KYNU: variants seen among roughly 807,000 people sequenced by gnomAD.
The protein encoded by KYNU is kynureninase.
KYNU carries 54 observed loss-of-function variants against 59.2 expected under a neutral mutation model. That is an observed-to-expected ratio of 0.91 (90% CI 0.73 to 1.14). The LOEUF (loss-of-function observed/expected upper bound fraction) is 1.14. Ranked by LOEUF, KYNU falls within the 50% of genes most tolerant of loss-of-function variation. The pLI, the probability that KYNU is intolerant of heterozygous loss-of-function variation, is 0.00. For synonymous variants in KYNU, 177 were observed against 192.0 expected (o/e 0.92, Z 0.65); for missense variants, 567 against 554.4 (o/e 1.02, Z -0.23).
chr2:142,912,876 A>AT (rs565444372), intron 2 of KYNU, among the ~76,000 whole-genome samples: 7,438 of 149,078 alleles, frequency 0.05, 313 homozygotes, highest in East Asian at 0.22. Context: ...CACCTGGCTA[A>AT]TTTTTTTTTG....
At chr2:142,898,143 G>T (rs976451677) in intron 2 of KYNU, among the ~76,000 whole-genome samples, 1 of 152,168 alleles carries the variant, frequency 6.6e-6, no homozygotes, top group Admixed American at 6.5e-5. Context: ...GCCTCCCAAG[G>T]GGCTGGAATT....
chr2:142,956,206 T>A lies in KYNU; in HGVS notation c.439T>A (p.Ser147Thr). The A allele has an allele frequency of 6.4e-7, 1 of 1,568,710 alleles. No homozygotes were observed. The highest frequency in any genetic ancestry group is 8.8e-7 in the Non-Finnish European group (1 of 1,139,774). ...CAATAAATCCATTTTATTGCAGTTA[T>A]CATTTTTTAAGCCTACGCCAAAACG... The part of the protein sequence containing the change: ...LTVNLHLLML[S>T]FFKPTPKRYK... Residue 147 changes from serine to threonine, a missense_variant, in exon 6 of 14, where the codon TCA becomes ACA. Coordinates refer to ENST00000264170, the MANE Select transcript of KYNU (RefSeq NM_003937.3).
intron 8 of KYNU, among the ~76,000 whole-genome samples, chr2:142,973,677 G>A (rs890733745): frequency 8.6e-5 from 13 of 151,986 alleles, no homozygotes; most frequent in Admixed American, 4.6e-4. Flanking sequence ...CTCATCCCTC[G>A]CTCCCATTGT....
intron 8 of KYNU, among the ~76,000 whole-genome samples, chr2:142,963,085 AGGTTCTG>A (rs1189210048): frequency 2.0e-5 from 3 of 152,196 alleles, no homozygotes; most frequent in African/African-American, 7.2e-5. Context: ...GTCAATCAGG[AGGTTCTG>A]AGGTAAAATC....
chr2:142,968,632 G>A (rs964205966), intron 8 of KYNU, among the ~76,000 whole-genome samples: 16 of 152,280 alleles, frequency 1.1e-4, no homozygotes, highest in African/African-American at 3.9e-4. Flanking sequence ...ACTCTCTGTT[G>A]CGTGGGCGCC....
chr2:142,950,801 C>T (rs1273543617), intron 4 of KYNU, among the ~76,000 whole-genome samples: 1 of 152,208 alleles, frequency 6.6e-6, no homozygotes, highest in East Asian at 1.9e-4. Context: ...TTTCAGCCTA[C>T]CTCAGCTTTT....
intron 10 of KYNU, among the ~76,000 whole-genome samples, chr2:143,005,045 G>T (rs1347624496): frequency 1.3e-5 from 2 of 152,182 alleles, no homozygotes; most frequent in African/African-American, 4.8e-5. Context: ...TAAGAGTGAG[G>T]CTTCCTGATA....
chr2:142,947,482 G>A (rs1000288541), intron 4 of KYNU: 2 of 320,718 alleles, frequency 6.2e-6, no homozygotes, highest in South Asian at 1.3e-4. Context: ...TTCTGAGATG[G>A]TCCATGACAT....
In KYNU at chr2:142,936,765, A is replaced by G. The variant is rs544474817; in HGVS notation, c.373+9024A>G. 1.6e-3 allele frequency among the ~76,000 whole-genome samples: 241 copies of G among 152,298 alleles called. 1 individual carries two copies. Among genetic ancestry groups the G allele is most frequent in the African/African-American group, 5.5e-3 (229 of 41,552 alleles). ...TAGGTGAGATCAGTGACTAATGTGC[A>G]TGCAGAGGGGTGACTGGAGGCTGAG... is the stretch of plus-strand genomic sequence containing the variant. On this transcript the variant is annotated intron_variant, in intron 4 of 13. Transcript: ENST00000264170.
At position 143,043,281 on chromosome 2, in the gene KYNU, CT is replaced by C. The variant is rs1401977420; in HGVS notation, c.*1111del. 6.6e-6 allele frequency: 1 copy of C among 151,966 alleles called. No homozygotes were observed. The highest frequency in any genetic ancestry group is 1.5e-5 in the Non-Finnish European group (1 of 67,944). 9.4% of individuals were successfully genotyped at this position (151,966 alleles called of 1,614,324 possible). On this transcript the variant is annotated 3_prime_UTR_variant, in exon 14 of 14. Transcript: ENST00000264170. The stretch of plus-strand genomic sequence containing the variant: ...CTTTATCTCAAATCTATGGACCTTT[CT>C]TACCCACTGTGAAAAACCTAAAGTT...
chr2:142,912,903 A>C (rs1405499076), intron 2 of KYNU, among the ~76,000 whole-genome samples: 1 of 150,392 alleles, frequency 6.6e-6, no homozygotes, highest in Non-Finnish European at 1.5e-5. Flanking sequence ...TAGTAGAGAC[A>C]GGGTTTCACC....
chr2:142,942,706 A>T (rs973445335), intron 4 of KYNU, among the ~76,000 whole-genome samples: 1 of 152,236 alleles, frequency 6.6e-6, no homozygotes, highest in South Asian at 2.1e-4. Flanking sequence ...GAAAAGAAGT[A>T]AAGTATACTT....
At chr2:143,030,562 T>TA (rs1686709269) in intron 11 of KYNU, among the ~76,000 whole-genome samples, 1 of 152,166 alleles carries the variant, frequency 6.6e-6, no homozygotes, top group Admixed American at 6.5e-5. Context: ...TCAGCCTTGA[T>TA]ATTCCTGGCT....
At position 143,018,298 on chromosome 2, in the gene KYNU, A is replaced by G. The variant is rs980073279; in HGVS notation, c.903-11329A>G. On this transcript the variant is annotated intron_variant, in intron 10 of 13. Coordinates refer to ENST00000264170, the MANE Select transcript of KYNU (RefSeq NM_003937.3). ...GGTATTATATTTAAGCTTTTAATCC[A>G]TCTCGAGTTAATTTTTCTATATGGT... Among the ~76,000 whole-genome samples, 5 of 152,144 alleles carry G rather than the reference A, an allele frequency of 3.3e-5. No homozygotes were observed. In the South Asian group the frequency reaches 1.0e-3, roughly 32 times the overall value.
At position 142,923,005 on chromosome 2, in the gene KYNU, G is replaced by A. The variant is rs377133537; in HGVS notation, c.290+4276G>A. On this transcript the variant is annotated intron_variant, in intron 3 of 13. Coordinates refer to ENST00000264170, the MANE Select transcript of KYNU (RefSeq NM_003937.3). Reference sequence around the variant, plus strand: ...GTGCTTCTTGCTGTAACCTCATGTGGCAGAAGAGGCAAACACCTGCCTCCC... The same window carrying A: ...GTGCTTCTTGCTGTAACCTCATGTGACAGAAGAGGCAAACACCTGCCTCCC... Among the ~76,000 whole-genome samples the A allele has an allele frequency of 4.2e-4, 64 of 152,240 alleles. No homozygotes were observed. In the South Asian group the frequency reaches 0.012, roughly 30 times the overall value.
chr2:142,976,892 A>AGG (rs1415354047), intron 8 of KYNU, among the ~76,000 whole-genome samples: 1 of 152,118 alleles, frequency 6.6e-6, no homozygotes, highest in Non-Finnish European at 1.5e-5. Context: ...TGGGGAGGAG[A>AGG]GGGCTGGGCT....
At chr2:142,978,138 G>A (rs1469873560) in intron 8 of KYNU, among the ~76,000 whole-genome samples, 1 of 151,934 alleles carries the variant, frequency 6.6e-6, no homozygotes, top group Non-Finnish European at 1.5e-5. Context: ...ATTCCTTTGG[G>A]AAATTCCAAT....
rs1682360671 is a variant in KYNU at position 142,908,161 on chromosome 2, G to A, written c.170-10448G>A. Reference sequence around the variant, plus strand: ...TTTAGCCTTTGGGGGAACTGGACTGGCCCTTCACCTCTGTCCTAATGTAGC... The same window carrying A: ...TTTAGCCTTTGGGGGAACTGGACTGACCCTTCACCTCTGTCCTAATGTAGC... On this transcript the variant is annotated intron_variant, in intron 2 of 13. Transcript: ENST00000264170. Among the ~76,000 whole-genome samples the A allele has an allele frequency of 3.9e-5, 6 of 152,200 alleles. No individual in the cohort carries two copies. In the South Asian group the frequency reaches 1.2e-3, roughly 32 times the overall value.
chr2:142,934,801 A>G (rs575868146), intron 4 of KYNU, among the ~76,000 whole-genome samples: 1 of 152,288 alleles, frequency 6.6e-6, no homozygotes, highest in East Asian at 1.9e-4. Flanking sequence ...CAGCTTCGGA[A>G]GGGATGGGGG....
Sources: gnomAD v4.1 joint callset for allele counts (sites outside exome capture counted in the v4.1 genomes callset) on GRCh38, gnomAD v4.1.1 for gene constraint, MANE v1.5 for transcripts, NCBI Gene and HGNC (gene_info 2026-07-23, HGNC 2026-07-21) for gene names.